GNAT2: variants seen among roughly 807,000 people sequenced by gnomAD.
The protein encoded by GNAT2 is G protein subunit alpha transducin 2.
GNAT2 carries 32 observed loss-of-function variants against 40.9 expected under a neutral mutation model. The observed-to-expected ratio is 0.78, with a 90% confidence interval of 0.59 to 1.05. The LOEUF (loss-of-function observed/expected upper bound fraction) is 1.05. Among genes scored for constraint, GNAT2 ranks in the 50% least tolerant of loss-of-function variants. The pLI, the probability that GNAT2 is intolerant of heterozygous loss-of-function variation, is 0.00. For missense variants in GNAT2, 355 were observed against 431.5 expected (o/e 0.82, Z 1.57); for synonymous variants, 141 against 157.2 (o/e 0.90, Z 0.77).
intron 5 of GNAT2, chr1:109,608,064 A>G (rs1022045610): frequency 5.7e-6 from 1 of 175,540 alleles, no homozygotes; most frequent in Admixed American, 5.4e-5. Flanking sequence ...CAGCTTTGCA[A>G]TGATGGTACT....
Position 109,605,992 on chromosome 1 carries a change from A to G in GNAT2, c.698T>C (p.Val233Ala), listed in dbSNP as rs763825174. ...FCAALSAYDMVLVEDDEVNRM... is the reference protein window; with the variant it reads ...FCAALSAYDMALVEDDEVNRM... ...CACCACTTCGTCATCTTCCACCAGC[A>G]CCATATCATAGGCACTGAGGGCTGC... Residue 233 changes from valine to alanine, a missense_variant, in exon 7 of 9, where the codon GTG (valine) becomes GCG (alanine). Physicochemically the swap from Val to Ala is moderately conservative, Grantham distance 64 (BLOSUM62 0). Transcript: ENST00000679935. 1.1e-5 allele frequency: 18 copies of G among 1,613,812 alleles called. No individual in the cohort carries two copies. The highest frequency in any genetic ancestry group is 1.5e-5 in the Non-Finnish European group (18 of 1,179,720).
At chr1:109,610,382 A>G (rs1176467897) in intron 3 of GNAT2, 83 bp downstream of exon 3, 1 of 1,394,164 alleles carries the variant, frequency 7.2e-7, no homozygotes, top group African/African-American at 1.4e-5. Context: ...TTGAGGCTAA[A>G]GAGCCTTTCA....
chr1:109,606,491 A>T, intron 5 of GNAT2, 55 bp from the exon 6 acceptor site: 1 of 1,500,414 alleles, frequency 6.7e-7, no homozygotes, highest in Non-Finnish European at 9.3e-7. Flanking sequence ...AGGCTAAGAG[A>T]CGTAAAAGGT....
intron 5 of GNAT2, chr1:109,606,783 A>G: frequency 6.2e-6 from 2 of 325,158 alleles, no homozygotes; most frequent in South Asian, 2.7e-5. Context: ...ATTGAAAGAG[A>G]CTTTAAAGAC....
At chr1:109,605,941 C>A in intron 7 of GNAT2, 29 bp downstream of exon 7, 1 of 1,608,442 alleles carries the variant, frequency 6.2e-7, no homozygotes, top group South Asian at 1.1e-5. Flanking sequence ...CTTGTTCTAC[C>A]AAAGCTGCTT....
rs1649701575 is a variant in GNAT2 at position 109,608,774 on chromosome 1, C to G, written c.318G>C (p.Gln106His). The change falls in exon 5 of 9, where the codon CAG becomes CAC. Residue 106 changes from glutamine to histidine, a missense_variant. Physicochemically the swap from Gln to His is conservative, Grantham distance 24. Transcript: ENST00000679935. ...CAATGGAGTCAGCCAGGTTGTTGAG[C>G]TGTCGCCCGTCATCCTGTAATGCAG... The part of the protein sequence containing the change: ...AEPSCADDGR[Q>H]LNNLADSIEE... 3 of 1,614,006 alleles carry G rather than the reference C, an allele frequency of 1.9e-6. No individual in the cohort carries two copies. Among genetic ancestry groups the G allele is most frequent in the Non-Finnish European group, 2.5e-6 (3 of 1,179,842 alleles).
intron 1 of GNAT2, among the ~76,000 whole-genome samples, chr1:109,618,971 T>TG (rs921791665): frequency 3.3e-5 from 5 of 152,144 alleles, no homozygotes; most frequent in Non-Finnish European, 7.4e-5. Flanking sequence ...CAACTGGGTG[T>TG]GGGGGGCAAA....
intron 7 of GNAT2, chr1:109,604,348 T>A (rs1447098276): frequency 2.3e-5 from 12 of 524,688 alleles, no homozygotes. Flanking sequence ...TTTTCCTATC[T>A]TATAGGGTTA....
chr1:109,610,663 A>C, intron 2 of GNAT2, 156 bp from the exon 3 acceptor site: 1 of 702,734 alleles, frequency 1.4e-6, no homozygotes, highest in Non-Finnish European at 2.6e-6. Context: ...GGCAGGCTTG[A>C]GCTCAGGCCA....
Position 109,612,807 on chromosome 1 carries a change from T to C in GNAT2, c.64A>G (p.Lys22Glu). Residue 22 changes from lysine (K) to glutamate (E), a missense_variant, in exon 2 of 9, where the codon AAG (lysine) becomes GAG (glutamate). By Grantham distance (56) the Lys-to-Glu change is moderately conservative. Coordinates refer to ENST00000679935, the MANE Select transcript of GNAT2 (RefSeq NM_001377295.2). ...TCCTTATCAGCATCCTCCTGCAGCT[T>C]CTTTTCTAGCTCCTTGGACCTCTTG... ...LAKRSKELEKKLQEDADKEAK... is the reference protein window; with the variant it reads ...LAKRSKELEKELQEDADKEAK... The C allele has an allele frequency of 6.2e-7, 1 of 1,613,688 alleles. No homozygotes were observed. Among genetic ancestry groups the C allele is most frequent in the Non-Finnish European group, 8.5e-7 (1 of 1,179,580 alleles).
intron 2 of GNAT2, chr1:109,610,876 A>G: frequency 2.7e-6 from 1 of 367,888 alleles, no homozygotes; most frequent in Non-Finnish European, 5.2e-6. Context: ...GTTGAAAACC[A>G]CTAACAGATT....
chr1:109,606,622 T>C, intron 5 of GNAT2, 186 bp from the exon 6 acceptor site: 2 of 588,324 alleles, frequency 3.4e-6, no homozygotes, highest in Non-Finnish European at 6.2e-6. Flanking sequence ...AAATGGGGGA[T>C]GGACTGAGGG....
rs1484683473 is a variant in GNAT2, at chr1:109,619,515, T to G, written c.-86A>C. ...GGCCGGAAGAAAACAGACGACCAAG[T>G]GAGATTGCAGGGGCAGGACTTCTGC... On this transcript the variant is annotated 5_prime_UTR_variant, in exon 1 of 9. Transcript: ENST00000679935. 1 of 152,180 alleles carries G rather than the reference T, an allele frequency of 6.6e-6. No homozygotes were observed. The highest frequency in any genetic ancestry group is 1.9e-4 in the East Asian group (1 of 5,190). 9.4% of individuals were successfully genotyped at this position (152,180 alleles called of 1,614,324 possible).
chr1:109,607,351 T>TGAGGCAGGAGAATGGCGTG (rs1225878269), intron 5 of GNAT2: 2 of 150,730 alleles, frequency 1.3e-5, no homozygotes, highest in Non-Finnish European at 2.9e-5. Context: ...CTTGGGAGGC[T>TGAGGCAGGAGAATGGCGTG]GAGGCAGGAG....
chr1:109,618,869 G>A (rs554227827), intron 1 of GNAT2, among the ~76,000 whole-genome samples: 14 of 152,166 alleles, frequency 9.2e-5, no homozygotes, highest in Non-Finnish European at 1.8e-4. Context: ...CCAGAATCCA[G>A]CGTGGGGAGA....
In GNAT2 at chr1:109,606,353, G is replaced by C; in HGVS notation, c.545C>G (p.Thr182Arg). The change falls in exon 6 of 9, where the codon ACG becomes AGG. Residue 182 changes from threonine to arginine, a missense_variant. By Grantham distance (71) the Thr-to-Arg change is moderately conservative. Transcript: ENST00000679935. ...QDVLRSRVKT[T>R]GIIETKFSVK... is the part of the protein sequence containing the mutation. Reference sequence around the variant, plus strand: ...GGAAAACTTGGTTTCAATGATGCCCGTGGTTTTGACTCTGGATCGGAGCAC... The same window carrying C: ...GGAAAACTTGGTTTCAATGATGCCCCTGGTTTTGACTCTGGATCGGAGCAC... 1 of 1,612,452 alleles carries C rather than the reference G, an allele frequency of 6.2e-7. No individual in the cohort carries two copies. The highest frequency in any genetic ancestry group is 8.5e-7 in the Non-Finnish European group (1 of 1,178,466).
intron 7 of GNAT2, 129 bp downstream of exon 7, chr1:109,605,837 CATTG>C (rs1649574451): frequency 5.0e-6 from 4 of 800,716 alleles, no homozygotes; most frequent in Admixed American, 1.8e-5. Flanking sequence ...TTGCATGAGA[CATTG>C]ATTGGTCTGC....
intron 7 of GNAT2, 179 bp from the exon 8 acceptor site, chr1:109,604,283 A>C: frequency 1.6e-6 from 1 of 624,092 alleles, no homozygotes; most frequent in Non-Finnish European, 2.9e-6. Flanking sequence ...CTAGTTCCCT[A>C]TCTTTCTAAT....
chr1:109,604,335 CTGTT>C, intron 7 of GNAT2: 1 of 552,510 alleles, frequency 1.8e-6, no homozygotes, highest in Admixed American at 3.0e-5. Flanking sequence ...TTTTCTGAGT[CTGTT>C]TTCCTATCTT....
Sources: allele counts gnomAD v4.1 joint callset (sites outside exome capture counted in the v4.1 genomes callset), GRCh38; gene constraint gnomAD v4.1.1; transcripts MANE v1.5; gene names NCBI Gene and HGNC (gene_info 2026-07-23, HGNC 2026-07-21).